SI: variants seen among roughly 807,000 people sequenced by gnomAD.
SI encodes the protein sucrase-isomaltase.
A neutral mutation model predicts 253.3 loss-of-function variants in SI; 235 were observed. That is an observed-to-expected ratio of 0.93 (90% CI 0.83 to 1.03). SI has a LOEUF of 1.03. Ranked by LOEUF, SI falls within the 50% of genes least tolerant of loss-of-function variation. The probability of loss-of-function intolerance (pLI) is 0.00; values close to 1 mark genes in which losing one functional copy is unlikely to be tolerated. For missense variants in SI, 2,442 were observed against 2,211.1 expected, an observed-to-expected ratio of 1.10 and a Z score of -2.09; for synonymous variants, 819 against 712.0, an observed-to-expected ratio of 1.15 and a Z score of -2.39.
chr3:165,049,916 T>G, intron 13 of SI, 41 bp from the exon 14 acceptor site: 1 of 1,218,234 alleles, frequency 8.2e-7, no homozygotes, highest in South Asian at 1.2e-5. Context: ...TTTTACATAA[T>G]TATAAATCCT....
chr3:165,017,990 A>G lies in SI; in HGVS notation c.3500T>C (p.Leu1167Ser). 2 of 1,610,628 alleles carry G rather than the reference A, an allele frequency of 1.2e-6. No individual in the cohort carries two copies. Among genetic ancestry groups the G allele is most frequent in the Non-Finnish European group, 1.7e-6 (2 of 1,177,030 alleles). ...TTTACCCATTGCATTGCTGTTGAGT[A>G]AGAAAACACCATGAGCATTGCCCTC... ...EEEGNAHGVF[L>S]LNSNAMDVTF... The change falls in exon 29 of 48, where the codon TTA becomes TCA. Residue 1167 changes from leucine to serine, a missense_variant. By Grantham distance (145) the Leu-to-Ser change is moderately radical. Transcript: ENST00000264382.
chr3:164,983,283 T>G (rs1697006123), intron 45 of SI, among the ~76,000 whole-genome samples: 1 of 152,132 alleles, frequency 6.6e-6, no homozygotes, highest in Admixed American at 6.6e-5. Context: ...GTGGTGTATG[T>G]GTGTGTAGGG....
At chr3:165,087,530 A>G in the SI span, among the ~76,000 whole-genome samples, 1 of 152,148 alleles carries the variant, frequency 6.6e-6, no homozygotes, top group Non-Finnish European at 1.5e-5. Context: ...AGGAGATTCT[A>G]TAGATATTTG....
rs1576927645 is a variant in SI at position 165,074,655 on chromosome 3, G to C, written c.131C>G (p.Ser44Cys). ...ACGAGTAGTAGCTGGAGTTGAAGTA[G>C]AATCACTAATTTCTGGGGGAGGAAA... ...KTPAVDEISD[S>C]TSTPATTRVT... is the part of the protein sequence containing the mutation. Residue 44 changes from serine (S) to cysteine (C), a missense_variant, in exon 3 of 48, where the codon TCT (serine) becomes TGT (cysteine). By Grantham distance (112) the Ser-to-Cys change is moderately radical. Coordinates refer to ENST00000264382, the MANE Select transcript of SI (RefSeq NM_001041.4). 6.2e-7 allele frequency: 1 copy of C among 1,609,280 alleles called. No homozygotes were observed. Among genetic ancestry groups the C allele is most frequent in the Non-Finnish European group, 8.5e-7 (1 of 1,176,576 alleles).
At chr3:165,024,595 C>T (rs574209914) in intron 25 of SI, among the ~76,000 whole-genome samples, 1 of 151,064 alleles carries the variant, frequency 6.6e-6, no homozygotes, top group South Asian at 2.1e-4. Flanking sequence ...CTAAAGTGAA[C>T]AATTTCATCT....
the SI span, among the ~76,000 whole-genome samples, chr3:165,084,161 C>T: frequency 6.6e-6 from 1 of 151,986 alleles, no homozygotes; most frequent in African/African-American, 2.4e-5. Flanking sequence ...AGAACCTATG[C>T]CCCTTCCACC....
intron 34 of SI, among the ~76,000 whole-genome samples, chr3:165,011,753 ATTG>A (rs1167445277): frequency 2.7e-5 from 4 of 147,394 alleles, no homozygotes; most frequent in South Asian, 4.2e-4. Flanking sequence ...TTTATTCATT[ATTG>A]TTATTATTTA....
At chr3:164,997,444 T>C (rs988531446) in intron 38 of SI, among the ~76,000 whole-genome samples, 1 of 147,670 alleles carries the variant, frequency 6.8e-6, no homozygotes, top group Admixed American at 6.8e-5. Flanking sequence ...AAATGTTTCT[T>C]TTTTTTTTTT....
In SI at chr3:165,023,642, C is replaced by A. The variant is rs1711747584; in HGVS notation, c.3027G>T (p.Lys1009Asn). Residue 1009 changes from lysine (K) to asparagine (N), a missense_variant, in exon 26 of 48, where the codon AAG becomes AAT. By Grantham distance (94) the Lys-to-Asn change is moderately conservative. Coordinates refer to ENST00000264382, the MANE Select transcript of SI (RefSeq NM_001041.4). ...LQLNTANARIKLPSDPISTLR... is the reference protein window; with the variant it reads ...LQLNTANARINLPSDPISTLR... ...GAGTTGAGATGGGGTCAGAAGGTAA[C>A]TTTATTCTGGCATTTGCAGTATTTA... The A allele has an allele frequency of 6.2e-7, 1 of 1,610,878 alleles. No homozygotes were observed. Among genetic ancestry groups the A allele is most frequent in the Non-Finnish European group, 8.5e-7 (1 of 1,177,988 alleles).
upstream of SI, among the ~76,000 whole-genome samples, chr3:165,080,739 C>G (rs922349974): frequency 6.6e-6 from 1 of 151,920 alleles, no homozygotes; most frequent in African/African-American, 2.4e-5. Flanking sequence ...ACATCGCACA[C>G]TGGGGCCTGT....
Position 164,980,073 on chromosome 3 carries a change from A to G in SI, c.5416-643T>C, listed in dbSNP as rs556647217. On this transcript the variant is annotated intron_variant, in intron 47 of 47. Transcript: ENST00000264382. ...CCTTTTTGTCCAATGAACTGATAAGATTTTCTGTGCTTTAGCTCAGAAAGT... is the reference window on the plus strand; with the variant it reads ...CCTTTTTGTCCAATGAACTGATAAGGTTTTCTGTGCTTTAGCTCAGAAAGT... Among the ~76,000 whole-genome samples, 176 of 151,888 alleles carry G rather than the reference A, an allele frequency of 1.2e-3. 5 individuals are homozygous for G. The South Asian group carries it at 0.035, about 30-fold the overall frequency.
chr3:165,026,207 T>C (rs1479992455), intron 25 of SI, among the ~76,000 whole-genome samples: 1 of 151,342 alleles, frequency 6.6e-6, no homozygotes, highest in Non-Finnish European at 1.5e-5. Context: ...AAACAAACTT[T>C]AAAGCAACAG....
intron 43 of SI, among the ~76,000 whole-genome samples, chr3:164,991,944 T>C (rs900513347): frequency 3.9e-5 from 6 of 152,130 alleles, no homozygotes; most frequent in Non-Finnish European, 8.8e-5. Flanking sequence ...AATGTGTAGT[T>C]ACCATGTTTA....
chr3:165,027,354 A>T (rs912687984), intron 25 of SI, among the ~76,000 whole-genome samples: 11 of 151,396 alleles, frequency 7.3e-5, no homozygotes, highest in African/African-American at 2.7e-4. Flanking sequence ...ACATGGATTC[A>T]TAGCAGAATT....
At chr3:165,002,220 T>A (rs947996767) in intron 37 of SI, among the ~76,000 whole-genome samples, 1 of 151,716 alleles carries the variant, frequency 6.6e-6, no homozygotes, top group African/African-American at 2.4e-5. Flanking sequence ...GATTTTTGAA[T>A]GTATTTCTTT....
rs771335037 is a variant in SI, at chr3:164,982,338, C to T, written c.5320G>A (p.Val1774Ile). Residue 1774 changes from valine (V) to isoleucine (I), a missense_variant, in exon 47 of 48, where the codon GTA becomes ATA. Val to Ile is a conservative substitution (Grantham distance 29). Transcript: ENST00000264382. The part of the protein sequence containing the change: ...KSETRLGSLH[V>I]WGKGTTPVNA... ...ACAGGAGTAGTTCCTTTCCCCCATA[C>T]ATGAAGGGATCCAAGCCTCGTTTCA... is the stretch of plus-strand genomic sequence containing the variant. The T allele has an allele frequency of 2.2e-5, 36 of 1,612,292 alleles. No homozygotes were observed. The highest frequency in any genetic ancestry group is 3.3e-4 in the Middle Eastern group (2 of 6,066).
intron 37 of SI, among the ~76,000 whole-genome samples, chr3:165,005,633 TTAAAA>T (rs1718468776): frequency 1.3e-5 from 2 of 152,344 alleles, no homozygotes; most frequent in South Asian, 2.1e-4. Context: ...ATACTACTAC[TTAAAA>T]TTAAATAACT....
chr3:165,061,205 T>C (rs999692499), intron 9 of SI, among the ~76,000 whole-genome samples: 1 of 152,114 alleles, frequency 6.6e-6, no homozygotes, highest in East Asian at 1.9e-4. Context: ...AACATATATG[T>C]AACAATATTC....
At chr3:165,080,189 G>A (rs79332249), upstream of SI, among the ~76,000 whole-genome samples, 1,764 of 152,000 alleles carry the variant, frequency 0.012, 33 homozygotes, top group African/African-American at 0.04. Flanking sequence ...CAGATCAATT[G>A]TTTTCCCTTT....
Sources: allele counts gnomAD v4.1 joint callset (sites outside exome capture counted in the v4.1 genomes callset), GRCh38; gene constraint gnomAD v4.1.1; transcripts MANE v1.5; gene names NCBI Gene and HGNC (gene_info 2026-07-23, HGNC 2026-07-21).